Variants in CNTNAP2 observed in about 807,000 individuals in gnomAD.
The protein encoded by CNTNAP2 is contactin-associated protein-like 2.
CNTNAP2 carries 98 observed loss-of-function variants against 155.2 expected under a neutral mutation model. The ratio of observed to expected loss-of-function variants is 0.63; its 90% CI spans 0.54 to 0.75. The LOEUF (loss-of-function observed/expected upper bound fraction) is 0.75, where lower values mean the gene tolerates loss of function less well. CNTNAP2 is among the 30% of genes least tolerant of loss of function. The probability of loss-of-function intolerance (pLI) is 0.00; values close to 1 mark genes in which losing one functional copy is unlikely to be tolerated. For synonymous variants in CNTNAP2, 651 were observed against 631.2 expected (o/e 1.03, Z -0.47); for missense variants, 1,727 against 1,688.1 (o/e 1.02, Z -0.40).
intron 22 of CNTNAP2, among the ~76,000 whole-genome samples, chr7:148,387,598 GCCCCT>G (rs759228103): frequency 3.3e-5 from 5 of 152,054 alleles, no homozygotes; most frequent in Non-Finnish European, 7.4e-5. Context: ...AGAATCTCAG[GCCCCT>G]CCCCATACTG....
rs1160129993 is a variant in CNTNAP2 at position 147,639,261 on chromosome 7, T to C, written c.2053T>C (p.Tyr685His). The change falls in exon 13 of 24, where the codon TAT becomes CAT. Residue 685 changes from tyrosine to histidine, a missense_variant. By Grantham distance (83) the Tyr-to-His change is moderately conservative. Coordinates refer to ENST00000361727, the MANE Select transcript of CNTNAP2 (RefSeq NM_014141.6). ...ITDSAEYCEQ[Y>H]VSYFCKMSRL... is the part of the protein sequence containing the mutation. The stretch of plus-strand genomic sequence containing the variant: ...TGACAGTGCCGAGTACTGCGAGCAG[T>C]ATGTCTCCTATTTCTGCAAGATGTC... The C allele has an allele frequency of 2.5e-6, 4 of 1,613,964 alleles. No homozygotes were observed. The highest frequency in any genetic ancestry group is 3.4e-6 in the Non-Finnish European group (4 of 1,180,004).
chr7:146,798,939 A>G (rs996668886), intron 2 of CNTNAP2, among the ~76,000 whole-genome samples: 6 of 152,086 alleles, frequency 3.9e-5, no homozygotes, highest in African/African-American at 1.5e-4. Context: ...TGAGTACATT[A>G]TGTGAGCTAA....
chr7:146,597,939 C>T (rs968708093), intron 1 of CNTNAP2, among the ~76,000 whole-genome samples: 8 of 152,080 alleles, frequency 5.3e-5, no homozygotes, highest in Non-Finnish European at 1.0e-4. Flanking sequence ...TCCTGTTTCT[C>T]CTCTGAAGAA....
chr7:148,382,636 C>G (rs1474552718), intron 21 of CNTNAP2, among the ~76,000 whole-genome samples: 2 of 152,184 alleles, frequency 1.3e-5, no homozygotes, highest in East Asian at 1.9e-4. Flanking sequence ...CCCACAGCAC[C>G]CTGCCTCAGC....
At chr7:146,888,252 T>C (rs1488183639) in intron 3 of CNTNAP2, among the ~76,000 whole-genome samples, 1 of 152,010 alleles carries the variant, frequency 6.6e-6, no homozygotes, top group East Asian at 1.9e-4. Flanking sequence ...CAGAACCTGA[T>C]GATATCTGAA....
chr7:147,252,400 G>A (rs1263410589), intron 8 of CNTNAP2, among the ~76,000 whole-genome samples: 1 of 152,072 alleles, frequency 6.6e-6, no homozygotes, highest in African/African-American at 2.4e-5. Flanking sequence ...TTGCAAAAAA[G>A]CTCTGTCTCC....
chr7:147,963,126 G>T (rs1387965495), intron 14 of CNTNAP2, among the ~76,000 whole-genome samples: 1 of 152,078 alleles, frequency 6.6e-6, no homozygotes, highest in Non-Finnish European at 1.5e-5. Context: ...ACTCAAGAAG[G>T]TCACATTGCA....
intron 1 of CNTNAP2, among the ~76,000 whole-genome samples, chr7:146,485,526 T>G (rs1373024464): frequency 1.3e-5 from 2 of 152,234 alleles, no homozygotes; most frequent in African/African-American, 4.8e-5. Context: ...TCTGAACACA[T>G]GCTCTTTCCT....
chr7:148,356,479 T>G (rs951159495), intron 21 of CNTNAP2, among the ~76,000 whole-genome samples: 1 of 152,234 alleles, frequency 6.6e-6, no homozygotes, highest in Non-Finnish European at 1.5e-5. Context: ...CCGTGGCTCC[T>G]GCTCCTGAGA....
chr7:147,698,726 A>G, intron 13 of CNTNAP2, among the ~76,000 whole-genome samples: 1 of 152,080 alleles, frequency 6.6e-6, no homozygotes, highest in South Asian at 2.1e-4. Context: ...ACACTCAGCT[A>G]ATTTTTGTAT....
intron 14 of CNTNAP2, among the ~76,000 whole-genome samples, chr7:147,967,678 T>G (rs1037274461): frequency 1.3e-5 from 2 of 152,188 alleles, no homozygotes; most frequent in Non-Finnish European, 2.9e-5. Context: ...GTGGGGAGAC[T>G]GTGTAGGACT....
At chr7:146,169,491 T>C (rs1375608601) in intron 1 of CNTNAP2, among the ~76,000 whole-genome samples, 1 of 152,192 alleles carries the variant, frequency 6.6e-6, no homozygotes, top group Non-Finnish European at 1.5e-5. Context: ...AGTTACCTTA[T>C]TTTTTGTGAT....
intron 3 of CNTNAP2, among the ~76,000 whole-genome samples, chr7:146,984,181 A>T (rs1167233716): frequency 1.3e-5 from 2 of 151,962 alleles, no homozygotes; most frequent in Non-Finnish European, 2.9e-5. Context: ...CAGCCTGATC[A>T]ACATGAAGAA....
intron 1 of CNTNAP2, among the ~76,000 whole-genome samples, chr7:146,480,527 G>A (rs2129128361): frequency 6.6e-6 from 1 of 151,912 alleles, no homozygotes; most frequent in Admixed American, 6.6e-5. Context: ...TATTCATAAA[G>A]AAGTTGATGC....
At chr7:148,048,676 G>A (rs1802822112) in intron 15 of CNTNAP2, among the ~76,000 whole-genome samples, 1 of 152,146 alleles carries the variant, frequency 6.6e-6, no homozygotes, top group Non-Finnish European at 1.5e-5. Context: ...GCAAACAGGA[G>A]GAAGCTAGAT....
Position 147,894,507 on chromosome 7 carries a change from G to C in CNTNAP2, c.2099-9058G>C, listed in dbSNP as rs1041914503. On this transcript the variant is annotated intron_variant, in intron 13 of 23. Coordinates refer to ENST00000361727, the MANE Select transcript of CNTNAP2 (RefSeq NM_014141.6). ...AGTGAAAAGCGTGTTTGTGCTGCAA[G>C]GGTACCTGTTCTATTTCCTCAGCTG... 2.0e-5 allele frequency among the ~76,000 whole-genome samples: 3 copies of C among 152,158 alleles called. 1 individual carries two copies. The highest frequency in any genetic ancestry group is 2.0e-4 in the Admixed American group (3 of 15,284).
intron 2 of CNTNAP2, among the ~76,000 whole-genome samples, chr7:146,791,473 G>A (rs1325322892): frequency 1.3e-5 from 2 of 152,154 alleles, no homozygotes; most frequent in African/African-American, 4.8e-5. Flanking sequence ...GCATCTTGTG[G>A]TTCCAAGTGA....
intron 12 of CNTNAP2, among the ~76,000 whole-genome samples, chr7:147,569,136 T>G (rs771036423): frequency 6.6e-5 from 10 of 152,220 alleles, no homozygotes; most frequent in African/African-American, 2.4e-4. Flanking sequence ...CTGATCAAAT[T>G]CTATTATCCT....
At chr7:146,543,817 A>C (rs1411405086) in intron 1 of CNTNAP2, among the ~76,000 whole-genome samples, 1 of 151,904 alleles carries the variant, frequency 6.6e-6, no homozygotes, top group Non-Finnish European at 1.5e-5. Context: ...CTGATGAACT[A>C]CTTAACTAAA....
Sources: gnomAD v4.1 joint callset for allele counts (sites outside exome capture counted in the v4.1 genomes callset) on GRCh38, gnomAD v4.1.1 for gene constraint, MANE v1.5 for transcripts, NCBI Gene and HGNC (gene_info 2026-07-23, HGNC 2026-07-21) for gene names.